The following ZNF148 variants were observed in gnomAD, a reference collection of about 807,000 sequenced individuals.
ZNF148 encodes the protein zinc finger protein 148, also known as Beta-Enolase Repressor Factor-1.
Under a neutral mutation model 67.7 loss-of-function variants are expected in ZNF148, and 7 were observed. That is an observed-to-expected ratio of 0.10 (90% CI 0.06 to 0.19). The LOEUF (loss-of-function observed/expected upper bound fraction) is 0.19, where lower values mean the gene tolerates loss of function less well. ZNF148 is among the 10% of genes least tolerant of loss of function. The pLI is 1.00. For missense variants in ZNF148, 583 were observed against 947.1 expected, an observed-to-expected ratio of 0.62 and a Z score of 5.05; for synonymous variants, 333 against 330.7, an observed-to-expected ratio of 1.01 and a Z score of -0.08.
intron 5 of ZNF148, among the ~76,000 whole-genome samples, chr3:125,287,676 T>C (rs1869673): frequency 0.77 from 117,164 of 152,042 alleles, 45,695 homozygotes; most frequent in African/African-American, 0.85. Flanking sequence ...GGATCTATTA[T>C]GTCTCCTATT....
chr3:125,328,863 G>A (rs895535525), intron 2 of ZNF148, among the ~76,000 whole-genome samples: 11 of 152,024 alleles, frequency 7.2e-5, no homozygotes, highest in Admixed American at 3.9e-4. Context: ...TGTTGTCAAA[G>A]AGATAGAGAG....
At chr3:125,307,361 T>C (rs1288065329) in intron 4 of ZNF148, among the ~76,000 whole-genome samples, 3 of 151,964 alleles carry the variant, frequency 2.0e-5, no homozygotes, top group African/African-American at 7.2e-5. Context: ...TGGAGTGCAG[T>C]GGCGCGATCT....
At chr3:125,367,939 A>C (rs949614224) in intron 1 of ZNF148, among the ~76,000 whole-genome samples, 10 of 152,240 alleles carry the variant, frequency 6.6e-5, no homozygotes, top group Admixed American at 6.5e-5. Context: ...CAGTAGGAGT[A>C]GCTAAAATGA....
At chr3:125,253,961 T>C (rs1936960677) in intron 7 of ZNF148, among the ~76,000 whole-genome samples, 1 of 152,188 alleles carries the variant, frequency 6.6e-6, no homozygotes, top group South Asian at 2.1e-4. Context: ...CTCTTTCTGT[T>C]TTCTGGGAGA....
intron 7 of ZNF148, among the ~76,000 whole-genome samples, chr3:125,256,498 G>A (rs1375640672): frequency 6.6e-6 from 1 of 151,310 alleles, no homozygotes; most frequent in East Asian, 1.9e-4. Flanking sequence ...CCAATATGGT[G>A]AAACCCCATC....
chr3:125,303,367 G>A (rs917706867), intron 4 of ZNF148, among the ~76,000 whole-genome samples: 4 of 152,316 alleles, frequency 2.6e-5, no homozygotes, highest in Non-Finnish European at 4.4e-5. Context: ...GCACCAAGCC[G>A]TGACCTGTTA....
intron 1 of ZNF148, among the ~76,000 whole-genome samples, chr3:125,362,355 G>A (rs922272303): frequency 6.6e-6 from 1 of 151,954 alleles, no homozygotes; most frequent in Non-Finnish European, 1.5e-5. Context: ...AAGAGTTGTT[G>A]TTCTTCCTTC....
chr3:125,253,160 T>C (rs750069344), intron 7 of ZNF148, among the ~76,000 whole-genome samples: 1 of 152,230 alleles, frequency 6.6e-6, no homozygotes, highest in Non-Finnish European at 1.5e-5. Context: ...ATCATTCCAT[T>C]AAGTTTTTTC....
At position 125,226,074 on chromosome 3, in the gene ZNF148, CAG is replaced by C. The variant is rs1935620173; in HGVS notation, c.*6265_*6266del. The stretch of plus-strand genomic sequence containing the variant: ...CCCACGTATGCTGACAGTGGGTTAA[CAG>C]AGTCTTATCTGTAAAGAAAAGAACA... On this transcript the variant is annotated 3_prime_UTR_variant, in exon 9 of 9. Transcript: ENST00000360647. The C allele has an allele frequency of 6.6e-6, 1 of 152,612 alleles. No homozygotes were observed. Among genetic ancestry groups the C allele is most frequent in the African/African-American group, 2.4e-5 (1 of 41,452 alleles). 9.5% of individuals were successfully genotyped at this position (152,612 alleles called of 1,614,324 possible).
At chr3:125,327,207 C>T (rs9844360) in intron 2 of ZNF148, among the ~76,000 whole-genome samples, 118,162 of 152,070 alleles carry the variant, frequency 0.78, 46,501 homozygotes, top group African/African-American at 0.87. Flanking sequence ...ATATAATAAC[C>T]GTGTATGCAC....
chr3:125,249,381 AAAG>A (rs1189750391), intron 7 of ZNF148, among the ~76,000 whole-genome samples: 2 of 152,232 alleles, frequency 1.3e-5, no homozygotes, highest in East Asian at 1.9e-4. Flanking sequence ...ACATTTTTCC[AAAG>A]AAGACCACAC....
At chr3:125,294,216 A>G (rs1560148026) in intron 4 of ZNF148, among the ~76,000 whole-genome samples, 1 of 152,190 alleles carries the variant, frequency 6.6e-6, no homozygotes, top group Non-Finnish European at 1.5e-5. Context: ...AAGATGAGGA[A>G]AAGTCTGCAT....
Position 125,313,425 on chromosome 3 carries a change from C to A in ZNF148, c.216G>T (p.Gln72His), listed in dbSNP as rs758266233. 3 of 1,613,934 alleles carry A rather than the reference C, an allele frequency of 1.9e-6. No individual in the cohort carries two copies. The African/African-American group carries it at 4.0e-5, about 22-fold the overall frequency. ...EVLQESEMRQ[Q>H]DMISHDELMV... ...TGAGTTCATCATGTGATATCATATC[C>A]TGTTGTCTCATTTCACTTTCTTGTA... Residue 72 changes from glutamine (Q) to histidine (H), a missense_variant, in exon 4 of 9, where the codon CAG becomes CAT. By Grantham distance (24) the Gln-to-His change is conservative. This residue lies in a region of ZNF148 where 150 missense variants were observed against 202.5 expected (regional missense o/e 0.74). Transcript: ENST00000360647.
At chr3:125,280,849 A>G (rs1560137220) in intron 5 of ZNF148, among the ~76,000 whole-genome samples, 1 of 151,934 alleles carries the variant, frequency 6.6e-6, no homozygotes, top group Non-Finnish European at 1.5e-5. Flanking sequence ...GTGAGAGGGA[A>G]ACAATGCTGT....
At chr3:125,259,112 G>T (rs1419846268) in intron 7 of ZNF148, among the ~76,000 whole-genome samples, 1 of 151,888 alleles carries the variant, frequency 6.6e-6, no homozygotes, top group Non-Finnish European at 1.5e-5. Context: ...AACAATCTAT[G>T]GGAAAAAAAT....
At chr3:125,332,639 G>T (rs1227398246) in intron 1 of ZNF148, among the ~76,000 whole-genome samples, 1 of 152,158 alleles carries the variant, frequency 6.6e-6, no homozygotes, top group East Asian at 1.9e-4. Context: ...ATAAGACCAT[G>T]TCCGTATAAG....
chr3:125,311,646 G>C (rs940192744), intron 4 of ZNF148, among the ~76,000 whole-genome samples: 1 of 151,054 alleles, frequency 6.6e-6, no homozygotes, highest in Non-Finnish European at 1.5e-5. Flanking sequence ...CTTAGTAAAT[G>C]ATACACCAAA....
intron 1 of ZNF148, chr3:125,338,819 C>T (rs1941603306): frequency 6.6e-6 from 1 of 152,142 alleles, no homozygotes; most frequent in African/African-American, 2.4e-5. Context: ...TGATATTTTT[C>T]ACCTTATTCA....
chr3:125,323,994 G>T (rs73195469), intron 2 of ZNF148, among the ~76,000 whole-genome samples: 7,154 of 150,642 alleles, frequency 0.047, 247 homozygotes, highest in Non-Finnish European at 0.071. Context: ...CAATTGCCTA[G>T]ATGTGGAGTC....
Sources: gnomAD v4.1 joint callset for allele counts (sites outside exome capture counted in the v4.1 genomes callset) on GRCh38, gnomAD v4.1.1 for gene constraint, gnomAD v4.1.1 regional missense constraint, MANE v1.5 for transcripts, NCBI Gene and HGNC (gene_info 2026-07-23, HGNC 2026-07-21) for gene names.